NLRC4: variants seen among roughly 807,000 people sequenced by gnomAD.
The protein encoded by NLRC4 is NLR family CARD domain-containing protein 4.
Under a neutral mutation model 79.9 loss-of-function variants are expected in NLRC4, and 63 were observed. That is an observed-to-expected ratio of 0.79 (90% CI 0.64 to 0.97). The LOEUF (loss-of-function observed/expected upper bound fraction) is 0.97, where lower values mean the gene tolerates loss of function less well. NLRC4 is among the 50% of genes least tolerant of loss of function. NLRC4 has a pLI of 0.00. For synonymous variants in NLRC4, 461 were observed against 456.5 expected (o/e 1.01, Z -0.12); for missense variants, 1,074 against 1,215.2 (o/e 0.88, Z 1.73).
chr2:32,237,909 T>G (rs1686708999), intron 6 of NLRC4, among the ~76,000 whole-genome samples: 1 of 152,238 alleles, frequency 6.6e-6, no homozygotes, highest in African/African-American at 2.4e-5. Context: ...AAAAATTACA[T>G]CTTCAATTAT....
At chr2:32,233,134 GAGGA>G (rs763764067) in intron 8 of NLRC4, among the ~76,000 whole-genome samples, 3,567 of 33,614 alleles carry the variant, frequency 0.11, 272 homozygotes, top group Non-Finnish European at 0.12. Context: ...GTGGGGGAGG[GAGGA>G]AGGAAGGAAG....
chr2:32,261,956 C>G (rs959981481), intron 1 of NLRC4, among the ~76,000 whole-genome samples: 8 of 151,828 alleles, frequency 5.3e-5, no homozygotes, highest in African/African-American at 1.9e-4. Context: ...TGGCAGGCGC[C>G]TGTACTCCCA....
At chr2:32,231,379 A>G (rs1271390502) in intron 8 of NLRC4, among the ~76,000 whole-genome samples, 2 of 149,596 alleles carry the variant, frequency 1.3e-5, no homozygotes, top group Non-Finnish European at 3.0e-5. Context: ...CTGGTCTCGA[A>G]CTCCTGACCT....
Position 32,224,760 on chromosome 2 carries a change from A to T in NLRC4, c.2788T>A (p.Phe930Ile). 3 of 1,567,216 alleles carry T rather than the reference A, an allele frequency of 1.9e-6. No individual in the cohort carries two copies. Among genetic ancestry groups the T allele is most frequent in the Non-Finnish European group, 2.6e-6 (3 of 1,158,866 alleles). Residue 930 changes from phenylalanine to isoleucine, a missense_variant, in exon 9 of 9, where the codon TTT becomes ATT. Coordinates refer to ENST00000402280, the MANE Select transcript of NLRC4 (RefSeq NM_001199138.2). ...TTTTTCAGAGGGTTCTTTCCAAAAAATGCACCTGGGTAAAGAAATAAGTAT... is the reference window on the plus strand; with the variant it reads ...TTTTTCAGAGGGTTCTTTCCAAAAATTGCACCTGGGTAAAGAAATAAGTAT... The part of the protein sequence containing the change: ...TDTEIRILGA[F>I]FGKNPLKNFQ...
chr2:32,254,482 A>T (rs951958865), intron 2 of NLRC4, among the ~76,000 whole-genome samples: 1 of 151,810 alleles, frequency 6.6e-6, no homozygotes, highest in Non-Finnish European at 1.5e-5. Flanking sequence ...TCTAATTCTG[A>T]AACGTAGACC....
intron 4 of NLRC4, among the ~76,000 whole-genome samples, chr2:32,248,148 A>G (rs1686982497): frequency 6.6e-6 from 1 of 152,200 alleles, no homozygotes; most frequent in East Asian, 1.9e-4. Flanking sequence ...ATAAAAATAA[A>G]TAATAAATAA....
chr2:32,251,975 T>C (rs1325286645), intron 3 of NLRC4, among the ~76,000 whole-genome samples: 1 of 152,088 alleles, frequency 6.6e-6, no homozygotes, highest in Non-Finnish European at 1.5e-5. Context: ...ATTTACTAAT[T>C]AAAAAAATAA....
At chr2:32,233,345 ATATATT>A (rs1157578168) in intron 8 of NLRC4, among the ~76,000 whole-genome samples, 864 of 63,634 alleles carry the variant, frequency 0.014, 5 homozygotes, top group African/African-American at 0.031. Context: ...ATATATATAT[ATATATT>A]TTTTTTTTTT....
Position 32,254,865 on chromosome 2 carries a change from G to A in NLRC4, c.1+1910C>T, listed in dbSNP as rs367678811. On this transcript the variant is annotated intron_variant, in intron 2 of 8. Coordinates refer to ENST00000402280, the MANE Select transcript of NLRC4 (RefSeq NM_001199138.2). Reference sequence around the variant, plus strand: ...ACTCCCGACCTCAGGTGATCTGCCCGTCTCAGCTTCCCAAAGTGCTAGGAT... The same window carrying A: ...ACTCCCGACCTCAGGTGATCTGCCCATCTCAGCTTCCCAAAGTGCTAGGAT... Among the ~76,000 whole-genome samples, 98 of 151,826 alleles carry A rather than the reference G, an allele frequency of 6.5e-4. 3 individuals carry two copies. The highest frequency in any genetic ancestry group is 2.2e-3 in the African/African-American group (89 of 41,240).
chr2:32,242,919 G>A (rs764885964), intron 4 of NLRC4, among the ~76,000 whole-genome samples: 18 of 152,058 alleles, frequency 1.2e-4, no homozygotes, highest in Non-Finnish European at 2.6e-4. Flanking sequence ...GTGGTGGCAG[G>A]TGTGAGTAGT....
At position 32,249,986 on chromosome 2, in the gene NLRC4, C is replaced by A. The variant is rs773908458; in HGVS notation, c.1878G>T (p.Lys626Asn). 6 of 1,614,064 alleles carry A rather than the reference C, an allele frequency of 3.7e-6. No homozygotes were observed. The South Asian group carries it at 6.6e-5, about 18-fold the overall frequency. The change falls in exon 4 of 9, where the codon AAG (lysine) becomes AAT (asparagine). Residue 626 changes from lysine (K) to asparagine (N), a missense_variant. By Grantham distance (94) the Lys-to-Asn change is moderately conservative. Transcript: ENST00000402280. ...FYGGAMASWEKAAEDTGGIHM... is the reference protein window; with the variant it reads ...FYGGAMASWENAAEDTGGIHM... ...GGATTCCACCTGTGTCTTCTGCAGC[C>A]TTTTCCCATGAAGCCATAGCTCCCC...
rs755096549 is a variant in NLRC4, at chr2:32,250,039, G to C, written c.1825C>G (p.Leu609Val). The C allele has an allele frequency of 1.2e-6, 2 of 1,614,074 alleles. No individual in the cohort carries two copies. The highest frequency in any genetic ancestry group is 2.7e-5 in the African/African-American group (2 of 74,928). Residue 609 changes from leucine (L) to valine (V), a missense_variant, in exon 4 of 9, where the codon CTG (leucine) becomes GTG (valine). Physicochemically the swap from Leu to Val is conservative, Grantham distance 32 (BLOSUM62 1). Transcript: ENST00000402280. This position sits in a 1 kb window ranked among gnomAD's most constrained non-coding sequence, Gnocchi z 4.9. ...TAAAAGTCCAGTTTAATGAAGTCCA[G>C]GGCACTTGCACAATTGGGCAAATGT... ...FEHLPNCASA[L>V]DFIKLDFYGG...
chr2:32,264,489 C>G (rs1573510501), intron 1 of NLRC4, among the ~76,000 whole-genome samples: 1 of 150,834 alleles, frequency 6.6e-6, no homozygotes, highest in East Asian at 1.9e-4. Context: ...AAAAGTGTTT[C>G]CAAAGTCCTT....
At chr2:32,254,722 A>T (rs745988733) in intron 2 of NLRC4, among the ~76,000 whole-genome samples, 3 of 149,920 alleles carry the variant, frequency 2.0e-5, no homozygotes, top group Non-Finnish European at 4.4e-5. Context: ...AGGTTCAAGC[A>T]ATTCCCCTGC....
intron 1 of NLRC4, among the ~76,000 whole-genome samples, chr2:32,259,527 A>G (rs1687289581): frequency 6.6e-6 from 1 of 152,044 alleles, no homozygotes; most frequent in African/African-American, 2.4e-5. Flanking sequence ...AGACGTTAGT[A>G]CACTTCTATG....
intron 8 of NLRC4, among the ~76,000 whole-genome samples, chr2:32,226,110 A>G (rs551895534): frequency 6.6e-6 from 1 of 152,350 alleles, no homozygotes; most frequent in African/African-American, 2.4e-5. Context: ...ACTAAAAGGT[A>G]TCTGCTACCA....
chr2:32,261,252 C>G (rs1380877315), intron 1 of NLRC4, among the ~76,000 whole-genome samples: 1 of 149,090 alleles, frequency 6.7e-6, no homozygotes, highest in Non-Finnish European at 1.5e-5. Flanking sequence ...TCAGGTTCCC[C>G]TCTCTCTCTG....
intron 2 of NLRC4, among the ~76,000 whole-genome samples, chr2:32,254,519 G>A (rs536250516): frequency 6.6e-6 from 1 of 151,356 alleles, no homozygotes; most frequent in Non-Finnish European, 1.5e-5. Context: ...CTGTACCCAC[G>A]CTATGTTTGT....
chr2:32,246,405 T>C (rs1032003105), intron 4 of NLRC4, among the ~76,000 whole-genome samples: 29 of 152,102 alleles, frequency 1.9e-4, no homozygotes, highest in African/African-American at 7.0e-4. Flanking sequence ...ATTCCCTCAT[T>C]AGGGAGGAGG....
Sources: gnomAD v4.1 joint callset for allele counts (sites outside exome capture counted in the v4.1 genomes callset) on GRCh38, gnomAD v4.1.1 for gene constraint, Gnocchi (gnomAD v3.1) non-coding constraint, MANE v1.5 for transcripts, NCBI Gene and HGNC (gene_info 2026-07-23, HGNC 2026-07-21) for gene names.